Variants in AIFM1 observed in about 807,000 individuals in gnomAD.
AIFM1 encodes apoptosis-inducing factor 1, mitochondrial.
Under a neutral mutation model 51.7 loss-of-function variants are expected in AIFM1, and 3 were observed. That is an observed-to-expected ratio of 0.06 (90% CI 0.03 to 0.15). AIFM1 has a LOEUF of 0.15. AIFM1 is among the 10% of genes least tolerant of loss of function. AIFM1 has a pLI of 1.00. For missense variants in AIFM1, 330 were observed against 476.8 expected, an observed-to-expected ratio of 0.69 and a Z score of 2.87; for synonymous variants, 178 against 179.4, an observed-to-expected ratio of 0.99 and a Z score of 0.06.
At chrX:130,154,698 C>T (rs2031105446) in intron 2 of AIFM1, among the ~76,000 whole-genome samples, 1 of 111,996 alleles carries the variant, frequency 8.9e-6, no homozygotes, top group Non-Finnish European at 1.9e-5. Flanking sequence ...CAATAAAATG[C>T]CTTTTCATAG....
At chrX:130,149,938 G>C (rs1185775667) in intron 2 of AIFM1, among the ~76,000 whole-genome samples, 2 of 112,093 alleles carry the variant, frequency 1.8e-5, no homozygotes, top group Non-Finnish European at 3.8e-5. Context: ...ACGGGGTTTG[G>C]ACTACGCTGG....
chrX:130,137,367 C>T (rs916473650), intron 9 of AIFM1, 182 bp from the exon 10 acceptor site: 19 of 1,152,739 alleles, frequency 1.6e-5, no homozygotes, highest in Admixed American at 2.7e-5. Flanking sequence ...TCATTTGTAA[C>T]GCAAATACAA....
chrX:130,131,818 G>A lies in AIFM1; in HGVS notation c.1449-19C>T. ...ATCACTCCTAAGAAGAGAGAAGAGG[G>A]TGTTCTGTCAAGGGACTGTAAGGAA... On this transcript the variant is annotated intron_variant, in intron 13 of 15. Coordinates refer to ENST00000287295, the MANE Select transcript of AIFM1 (RefSeq NM_004208.4). The A allele has an allele frequency of 8.3e-7, 1 of 1,210,284 alleles. No individual in the cohort carries two copies. Among genetic ancestry groups the A allele is most frequent in the Non-Finnish European group, 1.1e-6 (1 of 894,130 alleles).
At chrX:130,132,409 C>G (rs1396656094) in intron 13 of AIFM1, among the ~76,000 whole-genome samples, 1 of 112,524 alleles carries the variant, frequency 8.9e-6, no homozygotes, top group African/African-American at 3.2e-5. Context: ...GATGAGGTTC[C>G]CACTTTTGCT....
At chrX:130,159,481 T>G (rs2031279230) in intron 1 of AIFM1, among the ~76,000 whole-genome samples, 1 of 111,889 alleles carries the variant, frequency 8.9e-6, no homozygotes, top group Admixed American at 9.5e-5. Flanking sequence ...CCATCAGAAG[T>G]AGAAAGTGGT....
chrX:130,133,537 C>G (rs2030193892), intron 12 of AIFM1, 82 bp from the exon 13 acceptor site: 3 of 1,100,755 alleles, frequency 2.7e-6, no homozygotes, highest in Non-Finnish European at 3.7e-6. Flanking sequence ...TTTGGGGGCT[C>G]AAAGAACACT....
chrX:130,132,317 T>C (rs2030123312), intron 13 of AIFM1, among the ~76,000 whole-genome samples: 1 of 112,416 alleles, frequency 8.9e-6, no homozygotes, highest in Non-Finnish European at 1.9e-5. Flanking sequence ...AAAAAGCCAT[T>C]ATACACGACC....
Position 130,149,495 on chromosome X carries a change from T to C in AIFM1, c.323A>G (p.Gln108Arg), listed in dbSNP as rs771203298. 20 of 1,209,583 alleles carry C rather than the reference T, an allele frequency of 1.7e-5. No homozygotes were observed. The highest frequency in any genetic ancestry group is 2.2e-5 in the Non-Finnish European group (20 of 894,622). ...RISGLGLTPE[Q>R]KQKKAALSAS... Reference sequence around the variant, plus strand: ...AGATAACGCGGCCTTTTTCTGTTTCTGTTCTGGTGTCAGCCCTAACCCTGA... The same window carrying C: ...AGATAACGCGGCCTTTTTCTGTTTCCGTTCTGGTGTCAGCCCTAACCCTGA... Residue 108 changes from glutamine to arginine, a missense_variant, in exon 3 of 16, where the codon CAG (glutamine) becomes CGG (arginine). Around this residue, in one of 4 missense-constraint regions of AIFM1, gnomAD observed 110 missense variants for 103.1 expected, o/e 1.07. Transcript: ENST00000287295.
chrX:130,157,696 G>A (rs1471984322), intron 1 of AIFM1, among the ~76,000 whole-genome samples: 1 of 111,387 alleles, frequency 9.0e-6, no homozygotes, highest in East Asian at 2.8e-4. Context: ...GTCAGGCGTG[G>A]TGGCTCACGC....
At chrX:130,159,602 A>T (rs985036675) in intron 1 of AIFM1, among the ~76,000 whole-genome samples, 4 of 110,325 alleles carry the variant, frequency 3.6e-5, no homozygotes, top group African/African-American at 6.6e-5. Flanking sequence ...CTAAAAATAA[A>T]TTTTTTTTGT....
chrX:130,147,391 A>G, intron 5 of AIFM1, 102 bp downstream of exon 5: 1 of 1,069,061 alleles, frequency 9.4e-7, no homozygotes. Context: ...GTGGACAGCC[A>G]AGCCATCCCT....
At chrX:130,136,800 G>T in intron 10 of AIFM1, 69 bp from the exon 11 acceptor site, 1 of 1,107,537 alleles carries the variant, frequency 9.0e-7, no homozygotes, top group Non-Finnish European at 1.2e-6. Flanking sequence ...TAGGAAAGCT[G>T]ACCAGCGGTC....
At position 130,129,537 on chromosome X, in the gene AIFM1, G is replaced by C; in HGVS notation, c.*20C>G. 1 of 1,204,528 alleles carries C rather than the reference G, an allele frequency of 8.3e-7. No homozygotes were observed. Among genetic ancestry groups the C allele is most frequent in the East Asian group, 3.0e-5 (1 of 33,833 alleles). ...TCCTCTCAGGGGCTGCAGTGGGTTTGCCAATTCCACTGTGGGGCTTCAGTC... is the reference window on the plus strand; with the variant it reads ...TCCTCTCAGGGGCTGCAGTGGGTTTCCCAATTCCACTGTGGGGCTTCAGTC... On this transcript the variant is annotated 3_prime_UTR_variant, in exon 16 of 16. Coordinates refer to ENST00000287295, the MANE Select transcript of AIFM1 (RefSeq NM_004208.4).
At chrX:130,138,136 C>A (rs1486906189) in intron 9 of AIFM1, 1 of 123,728 alleles carries the variant, frequency 8.1e-6, no homozygotes, top group Non-Finnish European at 1.6e-5. Flanking sequence ...GGATCCCTCA[C>A]CAGAACTAAT....
Position 130,161,765 on chromosome X carries a change from G to A in AIFM1, c.106+3786C>T, listed in dbSNP as rs1276660547. ...AGGGATTACAGGCATGTGCCACCACGCTTGGCTAATTTTTGATTTTTAGTA... is the reference window on the plus strand; with the variant it reads ...AGGGATTACAGGCATGTGCCACCACACTTGGCTAATTTTTGATTTTTAGTA... On this transcript the variant is annotated intron_variant, in intron 1 of 15. Transcript: ENST00000287295. Among the ~76,000 whole-genome samples, 27 of 109,358 alleles carry A rather than the reference G, an allele frequency of 2.5e-4. 1 individual carries two copies. The highest frequency in any genetic ancestry group is 2.4e-3 in the Admixed American group (25 of 10,229). The allele number at this position is 109,358 out of a possible 115,157, so 95.0% of individuals were successfully genotyped here.
chrX:130,161,168 C>T (rs1002491515), intron 1 of AIFM1, among the ~76,000 whole-genome samples: 7 of 110,991 alleles, frequency 6.3e-5, no homozygotes, highest in Admixed American at 2.9e-4. Flanking sequence ...GAGATCTATA[C>T]GTTCTTGAGA....
intron 5 of AIFM1, 83 bp from the exon 6 acceptor site, chrX:130,145,652 A>G: frequency 1.3e-6 from 1 of 782,342 alleles, no homozygotes; most frequent in South Asian, 2.2e-5. Flanking sequence ...AACTGTTTCC[A>G]TTATCAGAAA....
chrX:130,164,956 T>G (rs191465026), intron 1 of AIFM1, among the ~76,000 whole-genome samples: 203 of 109,828 alleles, frequency 1.8e-3, no homozygotes, highest in African/African-American at 6.1e-3. Flanking sequence ...CTGCAAACTG[T>G]TTCTTTGAAG....
chrX:130,140,685 T>G, intron 6 of AIFM1, 68 bp from the exon 7 acceptor site: 1 of 809,208 alleles, frequency 1.2e-6, no homozygotes, highest in Non-Finnish European at 1.9e-6. Context: ...TTTATTGAGA[T>G]ATAATTCACA....
Sources: gnomAD v4.1 joint callset for allele counts (sites outside exome capture counted in the v4.1 genomes callset) on GRCh38, gnomAD v4.1.1 for gene constraint, gnomAD v4.1.1 regional missense constraint, MANE v1.5 for transcripts, NCBI Gene and HGNC (gene_info 2026-07-23, HGNC 2026-07-21) for gene names.